AREL1: variants seen among roughly 807,000 people sequenced by gnomAD.
AREL1 encodes apoptosis-resistant E3 ubiquitin protein ligase 1.
A neutral mutation model predicts 99.0 loss-of-function variants in AREL1; 62 were observed. The observed-to-expected ratio is 0.63, with a 90% CI of 0.51 to 0.77. AREL1 has a LOEUF of 0.77. AREL1 is among the 30% of genes least tolerant of loss of function. The probability of loss-of-function intolerance (pLI) is 0.00; values close to 1 mark genes in which losing one functional copy is unlikely to be tolerated. For missense variants in AREL1, 879 were observed against 1,027.6 expected, an observed-to-expected ratio of 0.86 and a Z score of 1.98; for synonymous variants, 380 against 376.5, an observed-to-expected ratio of 1.01 and a Z score of -0.11.
rs1476721746 is a variant in AREL1, at chr14:74,676,257, T to G, written c.716A>C (p.Gln239Pro). 2 of 1,614,220 alleles carry G rather than the reference T, an allele frequency of 1.2e-6. No homozygotes were observed. Among genetic ancestry groups the G allele is most frequent in the Non-Finnish European group, 1.7e-6 (2 of 1,180,034 alleles). Residue 239 changes from glutamine to proline, a missense_variant, in exon 7 of 20, where the codon CAG becomes CCG. Transcript: ENST00000356357. ...SFEKSVTSNR[Q>P]TFQVFLRLTL... Reference sequence around the variant, plus strand: ...GAGTCGCAAGAACACCTGGAAAGTCTGCCTGTTGGATGTTACTGATTTCTC... The same window carrying G: ...GAGTCGCAAGAACACCTGGAAAGTCGGCCTGTTGGATGTTACTGATTTCTC...
chr14:74,702,564 T>C (rs1259830707), intron 1 of AREL1, among the ~76,000 whole-genome samples: 1 of 152,164 alleles, frequency 6.6e-6, no homozygotes, highest in Non-Finnish European at 1.5e-5. Flanking sequence ...TCCAGGTCTG[T>C]GATGGGAGTG....
intron 5 of AREL1, 57 bp downstream of exon 5, chr14:74,683,239 A>G: frequency 8.1e-7 from 1 of 1,238,350 alleles, no homozygotes; most frequent in Admixed American, 2.0e-5. Flanking sequence ...GAAAGACAGG[A>G]TGGAAAGAGA....
At chr14:74,697,619 T>C (rs2090002281) in intron 1 of AREL1, among the ~76,000 whole-genome samples, 1 of 152,218 alleles carries the variant, frequency 6.6e-6, no homozygotes, top group Admixed American at 6.5e-5. Flanking sequence ...CCAAGTTACA[T>C]GGTTTTCATT....
At chr14:74,670,714 C>A (rs1442991994) in intron 13 of AREL1, 48 bp downstream of exon 13, 1 of 1,519,684 alleles carries the variant, frequency 6.6e-7, no homozygotes, top group Non-Finnish European at 9.1e-7. Context: ...TGTTAGTCTA[C>A]CCATGATAAC....
At chr14:74,684,859 G>T (rs2089714907) in intron 3 of AREL1, among the ~76,000 whole-genome samples, 179 bp from the exon 4 acceptor site, 1 of 152,128 alleles carries the variant, frequency 6.6e-6, no homozygotes, top group African/African-American at 2.4e-5. Context: ...CTACACCAGG[G>T]GTCAGTAACT....
chr14:74,672,735 C>T, intron 11 of AREL1, 96 bp downstream of exon 11: 2 of 1,547,042 alleles, frequency 1.3e-6, no homozygotes, highest in Non-Finnish European at 8.8e-7. Context: ...ACCCTATCTC[C>T]CAAACAAAAA....
intron 5 of AREL1, chr14:74,678,326 A>G (rs935023537): frequency 2.5e-6 from 1 of 395,536 alleles, no homozygotes; most frequent in Non-Finnish European, 4.9e-6. Flanking sequence ...GTGAGACCCT[A>G]TTCCTACAAA....
intron 3 of AREL1, among the ~76,000 whole-genome samples, chr14:74,685,365 G>T (rs12323528): frequency 0.29 from 44,091 of 151,970 alleles, 7,321 homozygotes; most frequent in African/African-American, 0.45. Context: ...CTTGAAGGCA[G>T]ATTTTTGTCT....
In AREL1 at chr14:74,676,244, C is replaced by T; in HGVS notation, c.729G>A (p.Val243=). Residue 243 remains valine (V), a synonymous_variant, in exon 7 of 20, where the codon GTG becomes GTA. Transcript: ENST00000356357. ...GAGAATGCAGGGTGAGTCGCAAGAA[C>T]ACCTGGAAAGTCTGCCTGTTGGATG... is the stretch of plus-strand genomic sequence containing the variant. ...SVTSNRQTFQ[V]FLRLTLHSRG... The T allele has an allele frequency of 6.2e-7, 1 of 1,614,134 alleles. No homozygotes were observed. Among genetic ancestry groups the T allele is most frequent in the Non-Finnish European group, 8.5e-7 (1 of 1,180,034 alleles).
At chr14:74,708,855 A>C (rs2090230846) in intron 1 of AREL1, among the ~76,000 whole-genome samples, 1 of 152,204 alleles carries the variant, frequency 6.6e-6, no homozygotes, top group African/African-American at 2.4e-5. Flanking sequence ...CTAAGTGAAT[A>C]CCCATCTTTC....
intron 17 of AREL1, among the ~76,000 whole-genome samples, chr14:74,666,340 A>G (rs148002517): frequency 6.6e-6 from 1 of 152,258 alleles, no homozygotes; most frequent in African/African-American, 2.4e-5. Context: ...GCAACAGGCC[A>G]CAACAAATTG....
chr14:74,677,790 G>A (rs1485671766), intron 5 of AREL1, among the ~76,000 whole-genome samples: 2 of 149,950 alleles, frequency 1.3e-5, no homozygotes, highest in East Asian at 1.9e-4. Flanking sequence ...CGTAAGCCAC[G>A]GTGCCCAGCT....
chr14:74,694,676 T>A (rs1566698552), intron 1 of AREL1, among the ~76,000 whole-genome samples: 1 of 152,148 alleles, frequency 6.6e-6, no homozygotes, highest in South Asian at 2.1e-4. Context: ...GGGCAAGTTA[T>A]CCTTTTTTCA....
chr14:74,678,300 C>A, intron 5 of AREL1: 1 of 436,736 alleles, frequency 2.3e-6, no homozygotes. Context: ...AGTTCGAGAC[C>A]ACCCTGGGCA....
intron 1 of AREL1, among the ~76,000 whole-genome samples, chr14:74,694,043 G>A (rs766394170): frequency 1.3e-5 from 2 of 152,040 alleles, no homozygotes; most frequent in African/African-American, 2.4e-5. Flanking sequence ...CAGACATGGC[G>A]GCAGGCGCCT....
Position 74,667,577 on chromosome 14 carries a change from T to G in AREL1, c.1932A>C (p.Thr644=). 6.2e-7 allele frequency: 1 copy of G among 1,612,440 alleles called. No individual in the cohort carries two copies. Among genetic ancestry groups the G allele is most frequent in the Non-Finnish European group, 8.5e-7 (1 of 1,179,152 alleles). ...TGGTGACTGGAGTTTGAGCTCCACC[T>G]GTCATGAGTTCTACAACCTGTAACA... The part of the protein sequence containing the change: ...GQLDKVVELM[T]GGAQTPVTNA... Residue 644 remains threonine (T), a synonymous_variant, in exon 16 of 20, where the codon ACA becomes ACC. Coordinates refer to ENST00000356357, the MANE Select transcript of AREL1 (RefSeq NM_001039479.2).
At chr14:74,703,786 A>C (rs1269342451) in intron 1 of AREL1, among the ~76,000 whole-genome samples, 1 of 152,224 alleles carries the variant, frequency 6.6e-6, no homozygotes, top group African/African-American at 2.4e-5. Context: ...TCATAGATAA[A>C]GCTGCTATGA....
intron 1 of AREL1, among the ~76,000 whole-genome samples, chr14:74,712,331 T>C (rs1261099780): frequency 6.6e-6 from 1 of 152,098 alleles, no homozygotes; most frequent in Non-Finnish European, 1.5e-5. Flanking sequence ...TCCACCAATC[T>C]CATTAAGTGT....
chr14:74,699,031 A>G (rs949466434), intron 1 of AREL1, among the ~76,000 whole-genome samples: 1 of 152,128 alleles, frequency 6.6e-6, no homozygotes, highest in South Asian at 2.1e-4. Context: ...TCCAAAAAAA[A>G]CCAAGGTGTT....
Sources: gnomAD v4.1 joint callset for allele counts (sites outside exome capture counted in the v4.1 genomes callset) on GRCh38, gnomAD v4.1.1 for gene constraint, MANE v1.5 for transcripts, NCBI Gene and HGNC (gene_info 2026-07-23, HGNC 2026-07-21) for gene names.